Variants in SERPINB12 observed in about 807,000 individuals in gnomAD.
SERPINB12 encodes serpin family B member 12.
SERPINB12 carries 57 observed loss-of-function variants against 41.1 expected under a neutral mutation model. The observed-to-expected ratio is 1.39, with a 90% CI of 1.12 to 1.73. SERPINB12 has a LOEUF of 1.73. SERPINB12 is among the 40% of genes most tolerant of loss of function. SERPINB12 has a pLI of 0.00. For synonymous variants in SERPINB12, 180 were observed against 181.3 expected (o/e 0.99, Z 0.06); for missense variants, 536 against 501.9 (o/e 1.07, Z -0.65).
At chr18:63,520,572 G>C in the SERPINB12 span, among the ~76,000 whole-genome samples, 12 of 152,220 alleles carry the variant, frequency 7.9e-5, no homozygotes, top group East Asian at 1.4e-3. Flanking sequence ...GAAATTGGGG[G>C]ACTCAGTAGG....
chr18:63,526,760 A>G, the SERPINB12 span, among the ~76,000 whole-genome samples: 295 of 152,304 alleles, frequency 1.9e-3, 3 homozygotes, highest in African/African-American at 6.8e-3. Context: ...TTCAATGTTT[A>G]CATTTTACAG....
intron 1 of SERPINB12, among the ~76,000 whole-genome samples, chr18:63,553,758 C>T (rs1910592446): frequency 6.6e-6 from 1 of 152,170 alleles, no homozygotes; most frequent in East Asian, 1.9e-4. Context: ...GAAATCCCCC[C>T]AACTCAGACC....
chr18:63,545,711 T>G (rs1030661515), intron 1 of SERPINB12, among the ~76,000 whole-genome samples: 1 of 152,128 alleles, frequency 6.6e-6, no homozygotes. Flanking sequence ...AGGCAAGAAC[T>G]CATCCTGTTC....
the SERPINB12 span, among the ~76,000 whole-genome samples, chr18:63,519,830 T>C: frequency 6.6e-6 from 1 of 152,122 alleles, no homozygotes; most frequent in African/African-American, 2.4e-5. Flanking sequence ...TCTCTATAGG[T>C]TCTGACTTAT....
At chr18:63,560,247 G>A (rs17698252) in intron 4 of SERPINB12, among the ~76,000 whole-genome samples, 7,644 of 152,272 alleles carry the variant, frequency 0.05, 281 homozygotes, top group Middle Eastern at 0.13. Context: ...AAACAGCTTC[G>A]TACCTAGAGC....
At chr18:63,538,263 A>T (rs571269147), upstream of SERPINB12, among the ~76,000 whole-genome samples, 1 of 152,282 alleles carries the variant, frequency 6.6e-6, no homozygotes, top group South Asian at 2.1e-4. Context: ...AAATAAATTT[A>T]CAGAGTTGTA....
the SERPINB12 span, among the ~76,000 whole-genome samples, chr18:63,535,409 T>C: frequency 6.6e-6 from 1 of 152,098 alleles, no homozygotes; most frequent in Admixed American, 6.6e-5. Context: ...TCAGGCATTG[T>C]GCTTGCCAAA....
chr18:63,555,261 G>C (rs1304112530), intron 1 of SERPINB12, among the ~76,000 whole-genome samples: 2 of 152,178 alleles, frequency 1.3e-5, no homozygotes, highest in Non-Finnish European at 2.9e-5. Context: ...TCAAAAGGGG[G>C]TGAGAATGTT....
At chr18:63,539,867 G>T (rs1479216251), upstream of SERPINB12, among the ~76,000 whole-genome samples, 2 of 152,008 alleles carry the variant, frequency 1.3e-5, no homozygotes, top group Non-Finnish European at 2.9e-5. Flanking sequence ...TTTGAGGGTG[G>T]TCTTCTTTCT....
chr18:63,553,446 A>G (rs551598608), intron 1 of SERPINB12, among the ~76,000 whole-genome samples: 20 of 152,158 alleles, frequency 1.3e-4, no homozygotes, highest in Admixed American at 9.2e-4. Context: ...GACTCTGATC[A>G]TTCAGTTCTG....
chr18:63,565,467 T>C lies in SERPINB12; in HGVS notation c.728T>C (p.Met243Thr). Residue 243 changes from methionine (M) to threonine (T), a missense_variant, in exon 7 of 8, where the codon ATG becomes ACG. By Grantham distance (81) the Met-to-Thr change is moderately conservative. Coordinates refer to ENST00000382768, the MANE Select transcript of SERPINB12 (RefSeq NM_001307928.2). ...LNANENKSVK[M>T]MTQKGLYRIG... ...CAGAATGAAAACAAGAGTGTGAAGATGATGACGCAAAAAGGCCTCTACAGA... is the reference window on the plus strand; with the variant it reads ...CAGAATGAAAACAAGAGTGTGAAGACGATGACGCAAAAAGGCCTCTACAGA... 6.2e-7 allele frequency: 1 copy of C among 1,613,634 alleles called. No homozygotes were observed. Among genetic ancestry groups the C allele is most frequent in the Non-Finnish European group, 8.5e-7 (1 of 1,179,814 alleles).
rs974889899 is a variant in SERPINB12, at chr18:63,542,433, T to C, written c.-78T>C. ...TGGTTCCTCCTCTGCTAGATTGATT[T>C]TTGAATTGACTTTATCAGAGCACAG... On this transcript the variant is annotated 5_prime_UTR_variant, in exon 1 of 8. Transcript: ENST00000382768. Among the ~76,000 whole-genome samples, 7 of 152,184 alleles carry C rather than the reference T, an allele frequency of 4.6e-5. No individual in the cohort carries two copies. The highest frequency in any genetic ancestry group is 1.0e-4 in the Non-Finnish European group (7 of 68,030).
chr18:63,527,442 T>C, the SERPINB12 span, among the ~76,000 whole-genome samples: 1 of 152,146 alleles, frequency 6.6e-6, no homozygotes, highest in African/African-American at 2.4e-5. Flanking sequence ...CAAATTTACA[T>C]TAAAAGGGAT....
At chr18:63,538,869 T>C (rs1910221808), upstream of SERPINB12, among the ~76,000 whole-genome samples, 1 of 152,220 alleles carries the variant, frequency 6.6e-6, no homozygotes, top group Non-Finnish European at 1.5e-5. Context: ...TGTCTGTTTT[T>C]AAATTATAAC....
rs1911175753 is a variant in SERPINB12 at position 63,568,108 on chromosome 18, A to G, written c.*1097A>G. Among the ~76,000 whole-genome samples the G allele has an allele frequency of 6.6e-6, 1 of 152,164 alleles. No homozygotes were observed. The highest frequency in any genetic ancestry group is 1.5e-5 in the Non-Finnish European group (1 of 68,006). ...TAGCAATGCTTGTTGGCTGGGCATGATGGCTCATGCCTGCAATCCCAGCAC... is the reference window on the plus strand; with the variant it reads ...TAGCAATGCTTGTTGGCTGGGCATGGTGGCTCATGCCTGCAATCCCAGCAC... On this transcript the variant is annotated 3_prime_UTR_variant, in exon 8 of 8. Transcript: ENST00000382768.
chr18:63,549,939 G>T (rs1350964274), intron 1 of SERPINB12, among the ~76,000 whole-genome samples: 36 of 152,184 alleles, frequency 2.4e-4, no homozygotes, highest in Admixed American at 2.4e-3. Flanking sequence ...TGAAAGAACT[G>T]ATTTGCACAC....
At chr18:63,532,263 C>A in the SERPINB12 span, among the ~76,000 whole-genome samples, 6 of 152,102 alleles carry the variant, frequency 3.9e-5, no homozygotes, top group Non-Finnish European at 7.4e-5. Context: ...TTGCTAGGAC[C>A]CTGACATCCT....
At chr18:63,541,075 C>T (rs1020602697), upstream of SERPINB12, among the ~76,000 whole-genome samples, 1 of 152,124 alleles carries the variant, frequency 6.6e-6, no homozygotes, top group African/African-American at 2.4e-5. Flanking sequence ...TTGCACTCAA[C>T]TACCCCAAAT....
the SERPINB12 span, among the ~76,000 whole-genome samples, chr18:63,535,467 C>A: frequency 6.6e-6 from 1 of 152,036 alleles, no homozygotes; most frequent in Non-Finnish European, 1.5e-5. Context: ...AATAATACCC[C>A]AAACTAAGGG....
Sources: allele counts gnomAD v4.1 joint callset (sites outside exome capture counted in the v4.1 genomes callset), GRCh38; gene constraint gnomAD v4.1.1; transcripts MANE v1.5; gene names NCBI Gene and HGNC (gene_info 2026-07-23, HGNC 2026-07-21).